The following ACAP2 variants were observed in gnomAD, a reference collection of about 807,000 sequenced individuals.
The protein encoded by ACAP2 is ArfGAP with coiled-coil, ankyrin repeat and PH domains 2.
Under a neutral mutation model 115.8 loss-of-function variants are expected in ACAP2, and 39 were observed. That is an observed-to-expected ratio of 0.34 (90% CI 0.26 to 0.44). The LOEUF is 0.44. ACAP2 is among the 20% of genes least tolerant of loss of function. The pLI is 1.00. For synonymous variants in ACAP2, 289 were observed against 315.8 expected (o/e 0.92, Z 0.90); for missense variants, 662 against 927.6 (o/e 0.71, Z 3.72).
chr3:195,391,481 C>T (rs909181409), intron 2 of ACAP2, among the ~76,000 whole-genome samples: 1 of 151,974 alleles, frequency 6.6e-6, no homozygotes, highest in Non-Finnish European at 1.5e-5. Context: ...CCATCTCAGC[C>T]TCCCAAAGTG....
chr3:195,442,971 C>T lies in ACAP2; in HGVS notation c.-124G>A, dbSNP rs1180407114. The stretch of plus-strand genomic sequence containing the variant: ...TAGCGTTGCGCGGAGCTGCGAAGGG[C>T]GCCTCGCCCGCTGGTCATAGCAGCC... On this transcript the variant is annotated 5_prime_UTR_variant, in exon 1 of 23. Transcript: ENST00000326793. 2 of 837,370 alleles carry T rather than the reference C, an allele frequency of 2.4e-6. No individual in the cohort carries two copies. The highest frequency in any genetic ancestry group is 3.3e-5 in the East Asian group (1 of 30,234). 51.9% of individuals were successfully genotyped at this position (837,370 alleles called of 1,614,324 possible).
At chr3:195,417,284 T>A (rs1713813481) in intron 1 of ACAP2, among the ~76,000 whole-genome samples, 1 of 151,988 alleles carries the variant, frequency 6.6e-6, no homozygotes, top group Non-Finnish European at 1.5e-5. Context: ...GACTGCCTAA[T>A]GAACATCTCT....
chr3:195,336,770 C>A, intron 7 of ACAP2, 162 bp downstream of exon 7: 1 of 642,742 alleles, frequency 1.6e-6, no homozygotes, highest in South Asian at 1.9e-5. Flanking sequence ...ATGAAGGAGA[C>A]AAAAAGAAGT....
At chr3:195,432,520 A>T (rs1262827337) in intron 1 of ACAP2, among the ~76,000 whole-genome samples, 1 of 152,046 alleles carries the variant, frequency 6.6e-6, no homozygotes, top group Non-Finnish European at 1.5e-5. Flanking sequence ...TTGTTTCTGG[A>T]CTCTTCAATT....
chr3:195,440,114 T>C (rs566759691), intron 1 of ACAP2, among the ~76,000 whole-genome samples: 2 of 152,262 alleles, frequency 1.3e-5, no homozygotes, highest in African/African-American at 4.8e-5. Flanking sequence ...TCCTGTAGAT[T>C]TTTAGATGAA....
intron 1 of ACAP2, among the ~76,000 whole-genome samples, chr3:195,399,203 T>C (rs978466257): frequency 7.9e-5 from 12 of 152,246 alleles, no homozygotes; most frequent in Non-Finnish European, 1.8e-4. Context: ...CCAGATTTTA[T>C]ATTAACAAGT....
intron 4 of ACAP2, among the ~76,000 whole-genome samples, chr3:195,376,589 T>G (rs1470562615): frequency 6.6e-6 from 1 of 152,076 alleles, no homozygotes; most frequent in African/African-American, 2.4e-5. Context: ...AAGAGAAACC[T>G]AGGATATTCT....
At chr3:195,335,501 G>C (rs944295865) in intron 7 of ACAP2, among the ~76,000 whole-genome samples, 2 of 152,098 alleles carry the variant, frequency 1.3e-5, no homozygotes, top group Non-Finnish European at 2.9e-5. Flanking sequence ...CACACAGAAA[G>C]AGAGAAAAAG....
chr3:195,437,501 C>A (rs563188869), intron 1 of ACAP2, among the ~76,000 whole-genome samples: 13 of 152,208 alleles, frequency 8.5e-5, no homozygotes, highest in East Asian at 5.8e-4. Flanking sequence ...TGTCCAGTTG[C>A]AGATTTTTCC....
intron 1 of ACAP2, among the ~76,000 whole-genome samples, chr3:195,429,356 G>C (rs1714930726): frequency 7.3e-6 from 1 of 137,308 alleles, no homozygotes; most frequent in South Asian, 2.3e-4. Context: ...TCCAGCCTGG[G>C]CAAAAGAGCA....
rs76472859 is a variant in ACAP2, at chr3:195,402,529, C to T, written c.54-10382G>A. 1.2e-3 allele frequency among the ~76,000 whole-genome samples: 178 copies of T among 152,266 alleles called. 3 individuals carry two copies. The East Asian group carries it at 0.031, about 26-fold the overall frequency. On this transcript the variant is annotated intron_variant, in intron 1 of 22. Transcript: ENST00000326793. ...TTACCTATATGTAACCAATATTATA[C>T]ATATAACTTTTTAAGTTGACAGAAA...
At chr3:195,286,504 C>T (rs1382630831) in intron 21 of ACAP2, among the ~76,000 whole-genome samples, 1 of 152,172 alleles carries the variant, frequency 6.6e-6, no homozygotes, top group Non-Finnish European at 1.5e-5. Context: ...GTGTTTGGTA[C>T]CCCTCTCCTA....
intron 5 of ACAP2, among the ~76,000 whole-genome samples, chr3:195,344,575 C>T (rs149351928): frequency 0.013 from 1,974 of 151,776 alleles, 35 homozygotes; most frequent in African/African-American, 0.043. Flanking sequence ...GGCTGGAGTG[C>T]GATGGCGCGA....
chr3:195,406,542 G>T (rs892014954), intron 1 of ACAP2, among the ~76,000 whole-genome samples: 4 of 152,122 alleles, frequency 2.6e-5, no homozygotes, highest in Non-Finnish European at 4.4e-5. Context: ...ACACCAGATT[G>T]AGAGAACTAA....
At chr3:195,329,984 T>C (rs1005652370) in intron 8 of ACAP2, among the ~76,000 whole-genome samples, 4 of 152,068 alleles carry the variant, frequency 2.6e-5, no homozygotes, top group Non-Finnish European at 5.9e-5. Flanking sequence ...AATCTTCATG[T>C]ATGGTGTCTA....
chr3:195,289,095 TAGTC>T (rs1727062570), intron 21 of ACAP2, 22 bp downstream of exon 21: 2 of 1,564,592 alleles, frequency 1.3e-6, no homozygotes, highest in African/African-American at 1.4e-5. Context: ...TGTATGGAAA[TAGTC>T]AAGTAAAAAG....
At chr3:195,407,002 G>T (rs1439704181) in intron 1 of ACAP2, among the ~76,000 whole-genome samples, 1 of 152,026 alleles carries the variant, frequency 6.6e-6, no homozygotes, top group Non-Finnish European at 1.5e-5. Flanking sequence ...ATTTAAATAT[G>T]TCTTTAATGA....
intron 1 of ACAP2, among the ~76,000 whole-genome samples, chr3:195,419,217 T>C (rs1713977996): frequency 6.6e-6 from 1 of 152,074 alleles, no homozygotes; most frequent in Admixed American, 6.6e-5. Flanking sequence ...CCATACCCAT[T>C]AGCAGTCACT....
At chr3:195,414,738 T>C (rs1275782603) in intron 1 of ACAP2, among the ~76,000 whole-genome samples, 1 of 152,224 alleles carries the variant, frequency 6.6e-6, no homozygotes, top group Non-Finnish European at 1.5e-5. Flanking sequence ...ATTTCAGATT[T>C]TGAATTCATG....
Sources: allele counts gnomAD v4.1 joint callset (sites outside exome capture counted in the v4.1 genomes callset), GRCh38; gene constraint gnomAD v4.1.1; transcripts MANE v1.5; gene names NCBI Gene and HGNC (gene_info 2026-07-23, HGNC 2026-07-21).